The following JAK1 variants were observed in gnomAD, a reference collection of about 807,000 sequenced individuals.
JAK1 encodes the protein Janus kinase 1.
A neutral mutation model predicts 136.6 loss-of-function variants in JAK1; 16 were observed. That is an observed-to-expected ratio of 0.12 (90% CI 0.08 to 0.18). The LOEUF is 0.18. JAK1 is among the 10% of genes least tolerant of loss of function. The probability of loss-of-function intolerance (pLI) is 1.00; values close to 1 mark genes in which losing one functional copy is unlikely to be tolerated. For missense variants in JAK1, 859 were observed against 1,450.1 expected (o/e 0.59, Z 6.62); for synonymous variants, 492 against 519.5 (o/e 0.95, Z 0.72).
intron 1 of JAK1, among the ~76,000 whole-genome samples, chr1:64,963,767 G>A (rs563197891): frequency 1.1e-4 from 16 of 152,130 alleles, no homozygotes; most frequent in Admixed American, 2.0e-4. Flanking sequence ...TGCCACAAGA[G>A]CCCAGATCTT....
At chr1:64,882,912 C>G (rs1644796672) in intron 3 of JAK1, among the ~76,000 whole-genome samples, 1 of 152,122 alleles carries the variant, frequency 6.6e-6, no homozygotes, top group African/African-American at 2.4e-5. Context: ...GGGACTTAGT[C>G]CCAGGTGTTT....
rs1646979085 is a variant in JAK1, at chr1:65,026,519, C to A, written c.-78+17961G>T. ...CTGGATTCTAGTTTGTTAGCTAATCCCTTCCTCCTCTAGAACAGGAAAGAA... is the reference window on the plus strand; with the variant it reads ...CTGGATTCTAGTTTGTTAGCTAATCACTTCCTCCTCTAGAACAGGAAAGAA... On this transcript the variant is annotated intron_variant, in intron 2 of 25. Transcript: ENST00000671954. Among the ~76,000 whole-genome samples the A allele has an allele frequency of 2.0e-5, 3 of 152,164 alleles. No individual in the cohort carries two copies. The South Asian group carries it at 6.2e-4, about 32-fold the overall frequency.
At chr1:65,053,081 C>G (rs565756990) in intron 1 of JAK1, among the ~76,000 whole-genome samples, 5 of 148,136 alleles carry the variant, frequency 3.4e-5, no homozygotes, top group Middle Eastern at 7.5e-3. Flanking sequence ...CACAGTGGCT[C>G]ACGCCTGTAA....
chr1:64,834,605 C>T lies in JAK1; in HGVS notation c.3422G>A (p.Ser1141Asn). ...CWEFQPSNRT[S>N]FQNLIEGFEA... ...AAATCCTTCAATAAGGTTCTGAAAGCTTGTCCGATTGGATGGTTGGAATTC... is the reference window on the plus strand; with the variant it reads ...AAATCCTTCAATAAGGTTCTGAAAGTTTGTCCGATTGGATGGTTGGAATTC... The change falls in exon 25 of 25, where the codon AGC becomes AAC. Residue 1141 changes from serine to asparagine, a missense_variant. By Grantham distance (46) the Ser-to-Asn change is conservative. Transcript: ENST00000342505. 3.7e-6 allele frequency: 6 copies of T among 1,612,676 alleles called. No individual in the cohort carries two copies. Among genetic ancestry groups the T allele is most frequent in the Non-Finnish European group, 5.1e-6 (6 of 1,178,914 alleles).
At chr1:64,847,995 C>T in intron 12 of JAK1, 1 of 259,510 alleles carries the variant, frequency 3.9e-6, no homozygotes, top group Non-Finnish European at 7.3e-6. Context: ...CCATCAACAG[C>T]CAGCCACATG....
chr1:64,850,738 C>T (rs1203437851), intron 12 of JAK1, 66 bp downstream of exon 12: 2 of 1,055,732 alleles, frequency 1.9e-6, no homozygotes, highest in African/African-American at 3.1e-5. Flanking sequence ...TCCCCCAGAT[C>T]CCCAAGCTGC....
chr1:64,924,990 T>C (rs1368254673), intron 1 of JAK1, among the ~76,000 whole-genome samples: 2 of 152,184 alleles, frequency 1.3e-5, no homozygotes, highest in African/African-American at 4.8e-5. Flanking sequence ...CTATGGACTT[T>C]GGGTGATAAT....
chr1:64,844,210 T>C lies in JAK1; in HGVS notation c.2257A>G (p.Ile753Val), dbSNP rs1655084596. 1.9e-6 allele frequency: 3 copies of C among 1,614,210 alleles called. No homozygotes were observed. Among genetic ancestry groups the C allele is most frequent in the Non-Finnish European group, 2.5e-6 (3 of 1,180,034 alleles). ...PITVLSRQEC[I>V]ERIPWIAPEC... ...GGAGCAATCCATGGGATTCGTTCAA[T>C]GCATTCTGGAAGACAACAGACACAC... The change falls in exon 17 of 25, where the codon ATT becomes GTT. Residue 753 changes from isoleucine (I) to valine (V), a missense_variant. By Grantham distance (29) the Ile-to-Val change is conservative. Transcript: ENST00000342505. The surrounding 1 kb of genome is among the most constrained non-coding windows in gnomAD (Gnocchi z 5.7).
chr1:64,902,583 A>AGAGAGAGAGAGAGAGAGT, intron 1 of JAK1, among the ~76,000 whole-genome samples: 122 of 73,798 alleles, frequency 1.7e-3, no homozygotes, highest in Admixed American at 1.0e-2. Flanking sequence ...AGAGAGAGAG[A>AGAGAGAGAGAGAGAGAGT]GTGTGTGTGT....
rs1655107223 is a variant in JAK1, at chr1:64,844,590, C to T, written c.2251+164G>A. Among the ~76,000 whole-genome samples, 1 of 111,898 alleles carries T rather than the reference C, an allele frequency of 8.9e-6. No homozygotes were observed. The allele number at this position is 111,898 out of a possible 152,430, so 73.4% of individuals were successfully genotyped here. ...GCTCGTTCAAGGACTTAAGAGAAGG[C>T]AGGAGATCAAGACCATCCTGGCCAA... On this transcript the variant is annotated intron_variant, in intron 16 of 24. Transcript: ENST00000342505. This position sits in a 1 kb window ranked among gnomAD's most constrained non-coding sequence, Gnocchi z 5.7.
Position 64,920,862 on chromosome 1 carries a change from G to T in JAK1, c.-77-34521C>A, listed in dbSNP as rs147007484. Among the ~76,000 whole-genome samples the T allele has an allele frequency of 5.6e-3, 856 of 152,282 alleles. 8 individuals are homozygous for T. Among genetic ancestry groups the T allele is most frequent in the African/African-American group, 0.015 (606 of 41,556 alleles). ...TTCACTGACTGAGTTAAGTATCAAG[G>T]CAGTACACAGGAACAGGTCCAGTGC... On this transcript the variant is annotated intron_variant, in intron 1 of 24. Transcript: ENST00000342505.
chr1:65,023,913 CTTT>C lies in JAK1; in HGVS notation c.-78+20564_-78+20566del, dbSNP rs35481521. On this transcript the variant is annotated intron_variant, in intron 2 of 25. Coordinates refer to the JAK1 transcript ENST00000671954. Reference sequence around the variant, plus strand: ...CACTCACCATGGTTCTAGATTCATCCTTTTTTTTTTTTTTTTTTGCATGTACCA... The same window carrying C: ...CACTCACCATGGTTCTAGATTCATCCTTTTTTTTTTTTTTTGCATGTACCA... Among the ~76,000 whole-genome samples the C allele has an allele frequency of 2.4e-4, 29 of 119,326 alleles. 1 individual carries two copies. Among genetic ancestry groups the C allele is most frequent in the Admixed American group, 6.9e-4 (8 of 11,526 alleles). The allele number at this position is 119,326 out of a possible 152,430, so 78.3% of individuals were successfully genotyped here.
At position 64,837,292 on chromosome 1, in the gene JAK1, G is replaced by C. The variant is rs116315502; in HGVS notation, c.3140+640C>G. On this transcript the variant is annotated intron_variant, in intron 22 of 24. Transcript: ENST00000342505. ...ATGAGTAAGTTTAGGCTCCATAAGT[G>C]GGAGAGGTCTATGTTTGTGTCCATG... Among the ~76,000 whole-genome samples, 539 of 152,312 alleles carry C rather than the reference G, an allele frequency of 3.5e-3. 5 individuals are homozygous for C. The highest frequency in any genetic ancestry group is 0.012 in the African/African-American group (503 of 41,550).
intron 1 of JAK1, among the ~76,000 whole-genome samples, chr1:65,063,213 T>A (rs573892094): frequency 3.5e-4 from 53 of 152,264 alleles, no homozygotes; most frequent in African/African-American, 1.2e-3. Context: ...ATGAGTAGAA[T>A]CACTAAAATG....
chr1:64,844,688 G>T lies in JAK1; in HGVS notation c.2251+66C>A. The T allele has an allele frequency of 6.3e-7, 1 of 1,594,218 alleles. No individual in the cohort carries two copies. Among genetic ancestry groups the T allele is most frequent in the Non-Finnish European group, 8.6e-7 (1 of 1,163,576 alleles). On this transcript the variant is annotated intron_variant, in intron 16 of 24. Coordinates refer to ENST00000342505, the MANE Select transcript of JAK1 (RefSeq NM_002227.4). This position sits in a 1 kb window ranked among gnomAD's most constrained non-coding sequence, Gnocchi z 5.7. ...CTAAAAGGAGACCAACCCCAGCCCAGCCCTTCTCTCTGCTGACTTGCCCCT... is the reference window on the plus strand; with the variant it reads ...CTAAAAGGAGACCAACCCCAGCCCATCCCTTCTCTCTGCTGACTTGCCCCT...
intron 2 of JAK1, among the ~76,000 whole-genome samples, chr1:64,885,685 C>T (rs778931264): frequency 2.6e-4 from 38 of 148,458 alleles, no homozygotes; most frequent in Non-Finnish European, 4.2e-4. Context: ...CCTGGGAAAG[C>T]GGAGGTTGCC....
intron 17 of JAK1, 77 bp from the exon 18 acceptor site, chr1:64,841,678 G>A: frequency 4.1e-6 from 6 of 1,455,404 alleles, no homozygotes; most frequent in African/African-American, 1.4e-5. Flanking sequence ...AGGTGGAATT[G>A]CCAATTCCTC....
At chr1:65,017,944 G>C (rs761018771) in intron 2 of JAK1, among the ~76,000 whole-genome samples, 1 of 151,880 alleles carries the variant, frequency 6.6e-6, no homozygotes, top group Non-Finnish European at 1.5e-5. Flanking sequence ...CAAGTAGCTG[G>C]GATTACAGGT....
intron 1 of JAK1, among the ~76,000 whole-genome samples, chr1:64,902,757 G>A (rs911090546): frequency 7.2e-5 from 11 of 152,040 alleles, no homozygotes; most frequent in Non-Finnish European, 1.0e-4. Flanking sequence ...ACCCCAATAC[G>A]CAGTGGTGGA....
Sources: allele counts gnomAD v4.1 joint callset (sites outside exome capture counted in the v4.1 genomes callset), GRCh38; gene constraint gnomAD v4.1.1; non-coding constraint Gnocchi (gnomAD v3.1); transcripts MANE v1.5; gene names NCBI Gene and HGNC (gene_info 2026-07-23, HGNC 2026-07-21).